STON2: variants seen among roughly 807,000 people sequenced by gnomAD.
STON2 encodes stonin 2.
A neutral mutation model predicts 65.7 loss-of-function variants in STON2; 29 were observed. That is an observed-to-expected ratio of 0.44 (90% confidence interval 0.33 to 0.60). The LOEUF is 0.60. STON2 is among the 20% of genes least tolerant of loss of function. The pLI is 0.03. For synonymous variants in STON2, 404 were observed against 414.2 expected (o/e 0.98, Z 0.30); for missense variants, 1,054 against 1,118.1 (o/e 0.94, Z 0.82).
Position 81,278,836 on chromosome 14 carries a change from G to T in STON2, c.743-97C>A. On this transcript the variant is annotated intron_variant, in intron 5 of 7. Coordinates refer to ENST00000614646, the MANE Select transcript of STON2 (RefSeq NM_001394390.1). Reference sequence around the variant, plus strand: ...ATGAGGGATTACTAGAATTTTAACTGGAATCCAGTACATTCCAAAGCAGCT... The same window carrying T: ...ATGAGGGATTACTAGAATTTTAACTTGAATCCAGTACATTCCAAAGCAGCT... 5.2e-6 allele frequency: 5 copies of T among 957,934 alleles called. No homozygotes were observed. In the East Asian group the frequency reaches 1.3e-4, roughly 24 times the overall value. 59.3% of individuals were successfully genotyped at this position (957,934 alleles called of 1,614,324 possible).
chr14:81,402,396 C>T (rs546990790), upstream of STON2, among the ~76,000 whole-genome samples: 1 of 152,324 alleles, frequency 6.6e-6, no homozygotes, highest in African/African-American at 2.4e-5. Context: ...GGAGATACCA[C>T]AGCAACCTAA....
intron 2 of STON2, among the ~76,000 whole-genome samples, chr14:81,414,191 C>G (rs1380661814): frequency 4.0e-5 from 4 of 101,058 alleles, no homozygotes; most frequent in Non-Finnish European, 1.8e-5. Context: ...GTAAAGTAAG[C>G]ATTTCTTTTT....
chr14:81,279,843 T>C (rs147432793), intron 5 of STON2, among the ~76,000 whole-genome samples: 3 of 152,348 alleles, frequency 2.0e-5, no homozygotes, highest in Admixed American at 6.5e-5. Context: ...GCAATTTATA[T>C]TAAGGATCTT....
At chr14:81,330,435 C>A (rs1445646090) in intron 4 of STON2, among the ~76,000 whole-genome samples, 2 of 145,344 alleles carry the variant, frequency 1.4e-5, no homozygotes, top group East Asian at 4.0e-4. Flanking sequence ...GAGATGGTGT[C>A]TTTTTTTTTT....
chr14:81,365,549 A>G (rs1422474517), intron 4 of STON2, among the ~76,000 whole-genome samples: 1 of 152,084 alleles, frequency 6.6e-6, no homozygotes, highest in Non-Finnish European at 1.5e-5. Flanking sequence ...TGAGGTTAGG[A>G]GTTCGAGACC....
intron 3 of STON2, among the ~76,000 whole-genome samples, chr14:81,383,163 T>C (rs1430992682): frequency 6.6e-6 from 1 of 152,216 alleles, no homozygotes; most frequent in Non-Finnish European, 1.5e-5. Context: ...CTTCTTCTCC[T>C]TTCCTATGAG....
intron 4 of STON2, among the ~76,000 whole-genome samples, chr14:81,329,353 G>A (rs190315042): frequency 1.2e-3 from 178 of 152,018 alleles, no homozygotes; most frequent in African/African-American, 3.7e-3. Context: ...TACTGGGGAG[G>A]CTGAGGCAGG....
chr14:81,430,219 C>T (rs112096801), intron 1 of STON2, among the ~76,000 whole-genome samples: 6 of 152,168 alleles, frequency 3.9e-5, no homozygotes, highest in African/African-American at 1.4e-4. Context: ...CTTGACAGCC[C>T]ACTGGATTAT....
intron 4 of STON2, among the ~76,000 whole-genome samples, chr14:81,354,172 G>A (rs557616890): frequency 3.3e-5 from 5 of 152,316 alleles, no homozygotes; most frequent in Admixed American, 6.5e-5. Flanking sequence ...CCAATCTGAA[G>A]TGACGACAGG....
chr14:81,434,421 G>A (rs1902331834), intron 1 of STON2, among the ~76,000 whole-genome samples: 1 of 152,176 alleles, frequency 6.6e-6, no homozygotes, highest in Non-Finnish European at 1.5e-5. Context: ...AACTGAAAGG[G>A]CTGCCATGCT....
rs149119701 is a variant in STON2, at chr14:81,277,813, G to A, written c.1669C>T (p.Arg557Trp). 31 of 1,613,994 alleles carry A rather than the reference G, an allele frequency of 1.9e-5. No individual in the cohort carries two copies. Among genetic ancestry groups the A allele is most frequent in the Middle Eastern group, 1.6e-4 (1 of 6,082 alleles). Residue 557 changes from arginine (R) to tryptophan (W), a missense_variant, in exon 6 of 8, where the codon CGG becomes TGG. By Grantham distance (101) the Arg-to-Trp change is moderately radical. Coordinates refer to ENST00000614646, the MANE Select transcript of STON2 (RefSeq NM_001394390.1). ...YDENGRIHSLRIDRVTYKEKK... is the reference protein window; with the variant it reads ...YDENGRIHSLWIDRVTYKEKK... ...TCTTTATAGGTGACACGGTCTATCCGCAAGCTGTGGATTCTGCCATTCTCA... is the reference window on the plus strand; with the variant it reads ...TCTTTATAGGTGACACGGTCTATCCACAAGCTGTGGATTCTGCCATTCTCA...
chr14:81,353,781 T>C (rs8010181), intron 4 of STON2, among the ~76,000 whole-genome samples: 49,212 of 151,308 alleles, frequency 0.33, 8,255 homozygotes, highest in South Asian at 0.44. Context: ...ACACCTGGGG[T>C]CAGGTAGCAA....
At chr14:81,331,384 G>A (rs769797617) in intron 4 of STON2, among the ~76,000 whole-genome samples, 2 of 152,058 alleles carry the variant, frequency 1.3e-5, no homozygotes, top group Non-Finnish European at 2.9e-5. Context: ...TAGGGGGTTG[G>A]ACCAACCCCA....
chr14:81,367,256 G>A (rs1199094819), intron 4 of STON2, among the ~76,000 whole-genome samples: 1 of 151,932 alleles, frequency 6.6e-6, no homozygotes, highest in African/African-American at 2.4e-5. Context: ...TTGGCTCACT[G>A]CAGCCTCCGC....
intron 2 of STON2, among the ~76,000 whole-genome samples, chr14:81,412,580 A>G (rs779182997): frequency 7.2e-6 from 1 of 139,078 alleles, no homozygotes; most frequent in Non-Finnish European, 1.5e-5. Flanking sequence ...GCCAGGGGCC[A>G]GGGAGGCAGA....
At position 81,383,310 on chromosome 14, in the gene STON2, C is replaced by T. The variant is rs76569910; in HGVS notation, c.374-12125G>A. ...AAATGGAGCTGAAGAGAGTACAAAC[C>T]TCCTAAGGGGATTAGGTTAATACTG... On this transcript the variant is annotated intron_variant, in intron 3 of 7. Transcript: ENST00000614646. 7.6e-3 allele frequency among the ~76,000 whole-genome samples: 1,156 copies of T among 152,054 alleles called. 12 individuals are homozygous for T. The highest frequency in any genetic ancestry group is 0.027 in the African/African-American group (1,100 of 41,476).
chr14:81,268,466 G>T lies in STON2; in HGVS notation c.2816C>A (p.Pro939Gln). 1 of 1,289,458 alleles carries T rather than the reference G, an allele frequency of 7.8e-7. No homozygotes were observed. The highest frequency in any genetic ancestry group is 1.0e-6 in the Non-Finnish European group (1 of 988,684). 79.9% of individuals were successfully genotyped at this position (1,289,458 alleles called of 1,614,324 possible). ...VEIEQKKSLKPDFEGDEMENP... is the reference protein window; with the variant it reads ...VEIEQKKSLKQDFEGDEMENP... The stretch of plus-strand genomic sequence containing the variant: ...TTCCATTTCATCTCCTTCAAAGTCC[G>T]GCTTCAAACTCTTTTTTTGCTCAAT... Residue 939 changes from proline to glutamine, a missense_variant, in exon 8 of 8, where the codon CCG (proline) becomes CAG (glutamine). Transcript: ENST00000614646.
intron 4 of STON2, among the ~76,000 whole-genome samples, chr14:81,351,178 CTTTTTT>C (rs370421507): frequency 1.6e-5 from 2 of 127,922 alleles, no homozygotes; most frequent in African/African-American, 5.8e-5. Context: ...GTAAGCTCTT[CTTTTTT>C]TTTTTTTTTT....
chr14:81,354,588 G>A (rs1898149635), intron 4 of STON2, among the ~76,000 whole-genome samples: 1 of 152,136 alleles, frequency 6.6e-6, no homozygotes, highest in Non-Finnish European at 1.5e-5. Flanking sequence ...AAAAAGTTCA[G>A]TAAATGACAA....
Sources: gnomAD v4.1 joint callset for allele counts (sites outside exome capture counted in the v4.1 genomes callset) on GRCh38, gnomAD v4.1.1 for gene constraint, MANE v1.5 for transcripts, NCBI Gene and HGNC (gene_info 2026-07-23, HGNC 2026-07-21) for gene names.